SHISA9: variants seen among roughly 807,000 people sequenced by gnomAD.
SHISA9 encodes shisa family member 9.
In SHISA9, 13 loss-of-function variants were observed where a neutral mutation model predicts 38.0. That is an observed-to-expected ratio of 0.34 (90% CI 0.22 to 0.54). The LOEUF is 0.54. Among genes scored for constraint, SHISA9 ranks in the 20% least tolerant of loss-of-function variants. SHISA9 has a pLI of 0.91. For synonymous variants in SHISA9, 275 were observed against 242.0 expected (o/e 1.14, Z -1.27); for missense variants, 538 against 575.8 (o/e 0.93, Z 0.67).
the SHISA9 span, among the ~76,000 whole-genome samples, chr16:13,321,554 G>C: frequency 6.6e-6 from 1 of 152,206 alleles, no homozygotes; most frequent in Non-Finnish European, 1.5e-5. Flanking sequence ...CATCAGATTA[G>C]TTGAACACTT....
At chr16:13,109,791 C>T (rs1309447463) in intron 2 of SHISA9, among the ~76,000 whole-genome samples, 1 of 152,116 alleles carries the variant, frequency 6.6e-6, no homozygotes, top group Non-Finnish European at 1.5e-5. Flanking sequence ...TGTCTGGCTT[C>T]CTTTACTTAG....
At chr16:13,326,644 G>A in the SHISA9 span, among the ~76,000 whole-genome samples, 1 of 152,206 alleles carries the variant, frequency 6.6e-6, no homozygotes, top group Non-Finnish European at 1.5e-5. Flanking sequence ...TTGCTTGAAC[G>A]CGGGAGTTGG....
At chr16:13,175,423 A>T (rs1040984435) in intron 2 of SHISA9, among the ~76,000 whole-genome samples, 2 of 152,100 alleles carry the variant, frequency 1.3e-5, no homozygotes, top group Non-Finnish European at 2.9e-5. Context: ...TTTTTTCCCT[A>T]TGTTCCAGAG....
intron 2 of SHISA9, among the ~76,000 whole-genome samples, chr16:13,131,091 A>G (rs1331176159): frequency 8.4e-6 from 1 of 118,486 alleles, no homozygotes; most frequent in Non-Finnish European, 1.7e-5. Context: ...ATACCATTTG[A>G]CCCAGCAATC....
chr16:13,139,392 T>TTC (rs1567224841), intron 2 of SHISA9, among the ~76,000 whole-genome samples: 9 of 105,416 alleles, frequency 8.5e-5, no homozygotes, highest in Non-Finnish European at 1.3e-4. Context: ...CTCCCTTCCT[T>TTC]CTTTCCTTCC....
intron 2 of SHISA9, among the ~76,000 whole-genome samples, chr16:13,066,249 G>A (rs1369217643): frequency 6.6e-6 from 1 of 152,196 alleles, no homozygotes; most frequent in Non-Finnish European, 1.5e-5. Context: ...CACTTGACAT[G>A]TAGTGTGAAT....
chr16:12,955,403 G>A (rs1372105148), intron 2 of SHISA9, among the ~76,000 whole-genome samples: 2 of 152,098 alleles, frequency 1.3e-5, no homozygotes, highest in African/African-American at 4.8e-5. Context: ...GCCTCTGAGT[G>A]TGTTTCCCAC....
the SHISA9 span, among the ~76,000 whole-genome samples, chr16:13,337,674 T>C: frequency 6.6e-6 from 1 of 152,242 alleles, no homozygotes; most frequent in African/African-American, 2.4e-5. Context: ...TTTGGCTCTG[T>C]GTCCCCACTC....
At chr16:13,153,528 G>A (rs1465385576) in intron 2 of SHISA9, among the ~76,000 whole-genome samples, 1 of 152,144 alleles carries the variant, frequency 6.6e-6, no homozygotes, top group Non-Finnish European at 1.5e-5. Context: ...GGAGAACCTT[G>A]TGGTGGAACT....
the SHISA9 span, among the ~76,000 whole-genome samples, chr16:13,344,090 C>A: frequency 6.6e-6 from 1 of 152,196 alleles, no homozygotes; most frequent in East Asian, 1.9e-4. Flanking sequence ...TTGGCAGAGA[C>A]AAATGACAAT....
At chr16:13,549,985 T>C in the SHISA9 span, among the ~76,000 whole-genome samples, 1 of 149,204 alleles carries the variant, frequency 6.7e-6, no homozygotes, top group Non-Finnish European at 1.5e-5. Flanking sequence ...ATTGTGCCAC[T>C]GCACTCCAGC....
At chr16:12,987,391 A>G (rs1179968464) in intron 2 of SHISA9, among the ~76,000 whole-genome samples, 6 of 152,246 alleles carry the variant, frequency 3.9e-5, no homozygotes, top group Admixed American at 2.0e-4. Flanking sequence ...TGATACATAT[A>G]CACCATGGAA....
chr16:13,371,894 TCC>T, the SHISA9 span, among the ~76,000 whole-genome samples: 1 of 152,208 alleles, frequency 6.6e-6, no homozygotes, highest in African/African-American at 2.4e-5. Context: ...AGACCAGGAT[TCC>T]AACTTGACTT....
At chr16:13,070,608 A>C (rs1394770424) in intron 2 of SHISA9, among the ~76,000 whole-genome samples, 1 of 152,214 alleles carries the variant, frequency 6.6e-6, no homozygotes, top group East Asian at 1.9e-4. Flanking sequence ...CAAATTTCCA[A>C]AAAGGCAGGA....
At chr16:13,426,807 T>A in the SHISA9 span, among the ~76,000 whole-genome samples, 1 of 152,242 alleles carries the variant, frequency 6.6e-6, no homozygotes, top group Non-Finnish European at 1.5e-5. Context: ...GTGTGGTTTA[T>A]GAATGGCGTT....
the SHISA9 span, among the ~76,000 whole-genome samples, chr16:13,312,193 G>T: frequency 2.0e-5 from 3 of 152,192 alleles, no homozygotes; most frequent in African/African-American, 4.8e-5. Flanking sequence ...TGCCCCAAGT[G>T]TGCTGCTGTA....
At chr16:13,234,744 G>T (rs1227305102) in intron 4 of SHISA9, among the ~76,000 whole-genome samples, 2 of 152,190 alleles carry the variant, frequency 1.3e-5, no homozygotes, top group Admixed American at 6.5e-5. Flanking sequence ...ATGGCAGAAT[G>T]GTAGGTGGGA....
chr16:12,997,082 A>C (rs960016562), intron 2 of SHISA9, among the ~76,000 whole-genome samples: 2 of 152,148 alleles, frequency 1.3e-5, no homozygotes, highest in African/African-American at 4.8e-5. Flanking sequence ...TCCTCTATCA[A>C]GAGGAAGAGC....
the SHISA9 span, among the ~76,000 whole-genome samples, chr16:13,520,024 G>C: frequency 6.6e-6 from 1 of 152,130 alleles, no homozygotes; most frequent in East Asian, 1.9e-4. Context: ...CACCTATCCA[G>C]ATGGAAGAAG....
Sources: gnomAD v4.1 joint callset for allele counts (sites outside exome capture counted in the v4.1 genomes callset) on GRCh38, gnomAD v4.1.1 for gene constraint, MANE v1.5 for transcripts, NCBI Gene and HGNC (gene_info 2026-07-23, HGNC 2026-07-21) for gene names.